The following AIG1 variants were observed in gnomAD, a reference collection of about 807,000 sequenced individuals.
The protein encoded by AIG1 is androgen-induced gene 1 protein.
AIG1 carries 23 observed loss-of-function variants against 31.4 expected under a neutral mutation model. That is an observed-to-expected ratio of 0.73 (90% confidence interval 0.53 to 1.04). The LOEUF (loss-of-function observed/expected upper bound fraction) is 1.04, where lower values mean the gene tolerates loss of function less well. Among genes scored for constraint, AIG1 ranks in the 50% least tolerant of loss-of-function variants. AIG1 has a pLI of 0.00. For missense variants in AIG1, 274 were observed against 295.0 expected (o/e 0.93, Z 0.52); for synonymous variants, 100 against 110.5 (o/e 0.90, Z 0.60).
intron 1 of AIG1, among the ~76,000 whole-genome samples, chr6:143,112,347 T>G (rs1267407710): frequency 1.3e-5 from 2 of 152,222 alleles, no homozygotes; most frequent in Non-Finnish European, 2.9e-5. Context: ...CCTTTTCTCA[T>G]TCCCCTGCAC....
At position 143,292,459 on chromosome 6, in the gene AIG1, A is replaced by G. The variant is rs1798120580; in HGVS notation, c.515+8234A>G. Among the ~76,000 whole-genome samples the G allele has an allele frequency of 6.6e-6, 1 of 152,188 alleles. No individual in the cohort carries two copies. The highest frequency in any genetic ancestry group is 6.5e-5 in the Admixed American group (1 of 15,284). ...AACTGCCGTCACTGGCTTTGAAGAC[A>G]GAGGAAGGGGCTGTGAGCACGGAAC... On this transcript the variant is annotated intron_variant, in intron 4 of 5. Coordinates refer to ENST00000357847, the MANE Select transcript of AIG1 (RefSeq NM_016108.4). This position sits in a 1 kb window ranked among gnomAD's most constrained non-coding sequence, Gnocchi z 4.9.
At chr6:143,335,002 CT>C (rs986336391) in intron 5 of AIG1, 7 of 1,089,548 alleles carry the variant, frequency 6.4e-6, no homozygotes, top group Non-Finnish European at 8.7e-6. Context: ...TTATGCCATT[CT>C]TTTAAGTAAC....
chr6:143,343,183 C>G, downstream of AIG1: 1 of 719,324 alleles, frequency 1.4e-6, no homozygotes, highest in South Asian at 1.4e-5. Flanking sequence ...GCCCTACAAT[C>G]CATTAACGCC....
chr6:143,323,460 T>C (rs368853591), intron 4 of AIG1, among the ~76,000 whole-genome samples: 1 of 114,588 alleles, frequency 8.7e-6, no homozygotes, highest in Non-Finnish European at 2.0e-5. Context: ...TAAAATATTG[T>C]CTTGAAAAAT....
intron 3 of AIG1, among the ~76,000 whole-genome samples, chr6:143,213,529 T>C (rs1791758542): frequency 6.9e-6 from 1 of 144,722 alleles, no homozygotes; most frequent in South Asian, 2.3e-4. Flanking sequence ...TTTTTTTTTT[T>C]TTTTTGAGAT....
rs147287021 is a variant in AIG1 at position 143,192,929 on chromosome 6, C to T, written c.399+27746C>T. Among the ~76,000 whole-genome samples the T allele has an allele frequency of 3.5e-4, 53 of 152,300 alleles. 1 individual carries two copies. In the South Asian group the frequency reaches 6.2e-3, roughly 18 times the overall value. On this transcript the variant is annotated intron_variant, in intron 3 of 5. Coordinates refer to ENST00000357847, the MANE Select transcript of AIG1 (RefSeq NM_016108.4). The stretch of plus-strand genomic sequence containing the variant: ...GTAACTGCTAGGGGCCAGCCACTTC[C>T]ATATGCTGTCACATTTGTTCCCTAA...
At chr6:143,121,513 C>T (rs192784852) in intron 1 of AIG1, among the ~76,000 whole-genome samples, 5 of 152,194 alleles carry the variant, frequency 3.3e-5, no homozygotes, top group African/African-American at 1.2e-4. Context: ...TCCATCTATC[C>T]TTTCTTGTTT....
In AIG1 at chr6:143,139,415, G is replaced by A. The variant is rs9386024; in HGVS notation, c.297+2425G>A. ...CCTCATCACTGCGCCAGGGCCTCCC[G>A]TGTCACCCAGCACATGGAGGGGATC... On this transcript the variant is annotated intron_variant, in intron 2 of 5. Coordinates refer to ENST00000357847, the MANE Select transcript of AIG1 (RefSeq NM_016108.4). Among the ~76,000 whole-genome samples, 456 of 150,586 alleles carry A rather than the reference G, an allele frequency of 3.0e-3. 13 individuals carry two copies. In the East Asian group the frequency reaches 0.054, roughly 18 times the overall value.
intron 1 of AIG1, among the ~76,000 whole-genome samples, chr6:143,087,414 C>G (rs1583127491): frequency 6.6e-6 from 1 of 152,190 alleles, no homozygotes; most frequent in Non-Finnish European, 1.5e-5. Flanking sequence ...TAGTGTTCAG[C>G]TCAATTAGGA....
chr6:143,076,457 C>T (rs139951853), intron 1 of AIG1, among the ~76,000 whole-genome samples: 79 of 152,142 alleles, frequency 5.2e-4, no homozygotes, highest in Non-Finnish European at 7.8e-4. Flanking sequence ...TCTTTATAAA[C>T]ACATTTAAAG....
intron 3 of AIG1, among the ~76,000 whole-genome samples, chr6:143,176,845 C>T (rs1235518337): frequency 6.6e-6 from 1 of 152,254 alleles, no homozygotes; most frequent in East Asian, 1.9e-4. Context: ...GGGCCTGCAG[C>T]GGCAATCCGC....
chr6:143,304,675 A>G (rs201839779), intron 4 of AIG1, among the ~76,000 whole-genome samples: 47,931 of 147,648 alleles, frequency 0.32, 9,823 homozygotes, highest in African/African-American at 0.58. Flanking sequence ...AAGGATATTG[A>G]TCTAAAATTC....
At chr6:143,283,346 G>A (rs1398465803) in intron 3 of AIG1, among the ~76,000 whole-genome samples, 1 of 152,146 alleles carries the variant, frequency 6.6e-6, no homozygotes, top group Non-Finnish European at 1.5e-5. Context: ...ATGCACTACT[G>A]GTCCAAACTG....
intron 3 of AIG1, among the ~76,000 whole-genome samples, chr6:143,171,502 A>T (rs1350714447): frequency 8.2e-6 from 1 of 122,500 alleles, no homozygotes; most frequent in Admixed American, 9.5e-5. Context: ...TATAATATAT[A>T]TTTAATATAT....
rs534754326 is a variant in AIG1 at position 143,136,698 on chromosome 6, T to C, written c.142-137T>C. On this transcript the variant is annotated intron_variant, in intron 1 of 5. Transcript: ENST00000357847. ...AAGTTGTAAATGTCTGTTCTCTATT[T>C]CTAGGAGCAGCTCTTTAAAATATGC... 7 of 831,582 alleles carry C rather than the reference T, an allele frequency of 8.4e-6. No homozygotes were observed. In the East Asian group the frequency reaches 1.8e-4, roughly 21 times the overall value. The allele number at this position is 831,582 out of a possible 1,614,324, so 51.5% of individuals were successfully genotyped here.
At chr6:143,264,847 C>T (rs1165038985) in intron 3 of AIG1, among the ~76,000 whole-genome samples, 1 of 152,206 alleles carries the variant, frequency 6.6e-6, no homozygotes, top group Admixed American at 6.5e-5. Flanking sequence ...TTATTATAGG[C>T]TTGAGAACTC....
At chr6:143,072,400 A>G (rs181713738) in intron 1 of AIG1, among the ~76,000 whole-genome samples, 1 of 152,126 alleles carries the variant, frequency 6.6e-6, no homozygotes, top group East Asian at 1.9e-4. Context: ...CTTCCTTTTC[A>G]ATATGGATAG....
intron 3 of AIG1, among the ~76,000 whole-genome samples, chr6:143,277,370 C>T (rs1424915548): frequency 6.6e-6 from 1 of 152,164 alleles, no homozygotes; most frequent in Non-Finnish European, 1.5e-5. Context: ...CCTTCCGTAT[C>T]CCATCTTCGT....
Position 143,060,930 on chromosome 6 carries a change from C to T in AIG1, c.5C>T (p.Ala2Val). 1 of 1,608,300 alleles carries T rather than the reference C, an allele frequency of 6.2e-7. No homozygotes were observed. The highest frequency in any genetic ancestry group is 8.5e-7 in the Non-Finnish European group (1 of 1,178,330). The change falls in exon 1 of 6, where the codon GCG (alanine) becomes GTG (valine). Residue 2 changes from alanine (A) to valine (V), a missense_variant. Around this residue, in one of 2 missense-constraint regions of AIG1, gnomAD observed 243 missense variants for 238.5 expected, o/e 1.02. Transcript: ENST00000357847. ...CGGTCCAGGCCTCTGGCGAACATGG[C>T]GCTTGTCCCCTGCCAGGTGCTGCGG... Reference protein sequence around the residue: MALVPCQVLRMA... With the variant: MVLVPCQVLRMA...
Sources: allele counts gnomAD v4.1 joint callset (sites outside exome capture counted in the v4.1 genomes callset), GRCh38; gene constraint gnomAD v4.1.1; regional missense constraint gnomAD v4.1.1; non-coding constraint Gnocchi (gnomAD v3.1); transcripts MANE v1.5; gene names NCBI Gene and HGNC (gene_info 2026-07-23, HGNC 2026-07-21).